Variants in ATG4C observed in about 807,000 individuals in gnomAD.
The protein encoded by ATG4C is cysteine protease ATG4C.
ATG4C carries 56 observed loss-of-function variants against 57.6 expected under a neutral mutation model. The observed-to-expected ratio is 0.97, with a 90% CI of 0.78 to 1.21. ATG4C has a LOEUF of 1.21. ATG4C is among the 50% of genes most tolerant of loss of function. The probability of loss-of-function intolerance (pLI) is 0.00; values close to 1 mark genes in which losing one functional copy is unlikely to be tolerated. For missense variants in ATG4C, 595 were observed against 529.8 expected (o/e 1.12, Z -1.21); for synonymous variants, 157 against 174.1 (o/e 0.90, Z 0.78).
At chr1:62,831,904 A>C (rs1298768295) in intron 7 of ATG4C, among the ~76,000 whole-genome samples, 2 of 152,208 alleles carry the variant, frequency 1.3e-5, no homozygotes, top group African/African-American at 4.8e-5. Context: ...TTTTCTGAGG[A>C]GAGTCAGTGA....
intron 10 of ATG4C, among the ~76,000 whole-genome samples, chr1:62,857,724 C>T (rs929155247): frequency 1.3e-4 from 20 of 151,970 alleles, no homozygotes; most frequent in Non-Finnish European, 4.4e-5. Context: ...GCACATGAGC[C>T]GGTTTTATTT....
At chr1:62,836,269 A>G (rs1665996409) in intron 9 of ATG4C, among the ~76,000 whole-genome samples, 1 of 152,080 alleles carries the variant, frequency 6.6e-6, no homozygotes, top group South Asian at 2.1e-4. Context: ...GAAAGGAATA[A>G]TTGATTTTAA....
chr1:62,801,554 C>T (rs1233009573), intron 1 of ATG4C, among the ~76,000 whole-genome samples: 1 of 151,974 alleles, frequency 6.6e-6, no homozygotes. Context: ...GGGTGGATCA[C>T]GAGGTCAGGA....
intron 10 of ATG4C, among the ~76,000 whole-genome samples, chr1:62,855,095 G>A (rs1666643449): frequency 6.6e-6 from 1 of 152,050 alleles, no homozygotes; most frequent in African/African-American, 2.4e-5. Context: ...TTGCAAGGAG[G>A]GACCTGGGAA....
intron 1 of ATG4C, among the ~76,000 whole-genome samples, chr1:62,784,884 C>T (rs1407781381): frequency 1.3e-5 from 2 of 152,202 alleles, no homozygotes; most frequent in Non-Finnish European, 2.9e-5. Context: ...AGAATAAATT[C>T]TTACATATGA....
intron 1 of ATG4C, among the ~76,000 whole-genome samples, chr1:62,800,324 G>A (rs528315864): frequency 2.6e-5 from 4 of 152,144 alleles, no homozygotes; most frequent in Non-Finnish European, 4.4e-5. Context: ...AAATGTTTTT[G>A]TATAAGATTT....
chr1:62,788,487 A>T (rs1664161634), intron 1 of ATG4C, among the ~76,000 whole-genome samples: 1 of 152,010 alleles, frequency 6.6e-6, no homozygotes, highest in Non-Finnish European at 1.5e-5. Flanking sequence ...ACTATTTGAA[A>T]GTAAGGTGGC....
chr1:62,804,791 A>G (rs1419257267), intron 2 of ATG4C, among the ~76,000 whole-genome samples: 1 of 152,222 alleles, frequency 6.6e-6, no homozygotes, highest in Non-Finnish European at 1.5e-5. Flanking sequence ...AATTCAGTAA[A>G]ACCCCTTGAT....
chr1:62,801,106 T>G (rs1015233623), intron 1 of ATG4C, among the ~76,000 whole-genome samples: 1 of 152,216 alleles, frequency 6.6e-6, no homozygotes, highest in Non-Finnish European at 1.5e-5. Flanking sequence ...TTTCAGCATA[T>G]GCTGCATGTG....
rs939493522 is a variant in ATG4C, at chr1:62,852,711, C to G, written c.1209+11164C>G. Among the ~76,000 whole-genome samples the G allele has an allele frequency of 8.6e-5, 13 of 151,018 alleles. No homozygotes were observed. In the Admixed American group the frequency reaches 8.6e-4, roughly 10 times the overall value. On this transcript the variant is annotated intron_variant, in intron 10 of 10. Transcript: ENST00000317868. The stretch of plus-strand genomic sequence containing the variant: ...TTTGTATTTCTTAGAGTTAGTACTC[C>G]TTTCCCCTTTTTTCATTTCCTTAGT...
At chr1:62,789,243 C>A (rs1664186960) in intron 1 of ATG4C, among the ~76,000 whole-genome samples, 1 of 151,988 alleles carries the variant, frequency 6.6e-6, no homozygotes, top group South Asian at 2.1e-4. Context: ...CACTATGTAC[C>A]CAAGTATCCT....
intron 10 of ATG4C, among the ~76,000 whole-genome samples, chr1:62,863,135 A>G (rs2100372586): frequency 6.6e-6 from 1 of 152,138 alleles, no homozygotes; most frequent in Admixed American, 6.5e-5. Context: ...TGTTTATATT[A>G]TACTTGTGAA....
At chr1:62,811,848 A>G (rs1557968228) in intron 3 of ATG4C, among the ~76,000 whole-genome samples, 1 of 152,320 alleles carries the variant, frequency 6.6e-6, no homozygotes, top group East Asian at 1.9e-4. Flanking sequence ...AAGTGAAACC[A>G]TGTACAGTGG....
At position 62,847,454 on chromosome 1, in the gene ATG4C, G is replaced by C. The variant is rs139474327; in HGVS notation, c.1209+5907G>C. On this transcript the variant is annotated intron_variant, in intron 10 of 10. Coordinates refer to ENST00000317868, the MANE Select transcript of ATG4C (RefSeq NM_032852.4). ...AGTTTCATCGAGAAGAAAATACAGT[G>C]TCATGAGAAAGAAAAATAGAAGAGA... 1.6e-3 allele frequency among the ~76,000 whole-genome samples: 251 copies of C among 152,250 alleles called. 1 individual carries two copies. Among genetic ancestry groups the C allele is most frequent in the South Asian group, 6.2e-3 (30 of 4,818 alleles).
intron 9 of ATG4C, among the ~76,000 whole-genome samples, chr1:62,835,188 A>G (rs1015794155): frequency 2.6e-5 from 4 of 151,428 alleles, no homozygotes; most frequent in South Asian, 2.1e-4. Context: ...CCTGTTTAAA[A>G]AAAAAAAAAA....
At position 62,816,572 on chromosome 1, in the gene ATG4C, T is replaced by C. The variant is rs781364571; in HGVS notation, c.161-3T>C. The C allele has an allele frequency of 1.8e-5, 28 of 1,592,984 alleles. No homozygotes were observed. Among genetic ancestry groups the C allele is most frequent in the Non-Finnish European group, 8.6e-7 (1 of 1,168,632 alleles). The stretch of plus-strand genomic sequence containing the variant: ...ATCTTTAGACCGTATGTTTATTTTT[T>C]AGATGAAGATAAAACGTTACCTGCA... On this transcript the variant is annotated splice_region_variant and splice_polypyrimidine_tract_variant and intron_variant, in intron 3 of 10. Coordinates refer to ENST00000317868, the MANE Select transcript of ATG4C (RefSeq NM_032852.4).
Position 62,864,255 on chromosome 1 carries a change from C to T in ATG4C, c.*96C>T. 2.0e-6 allele frequency: 2 copies of T among 993,622 alleles called. No individual in the cohort carries two copies. The highest frequency in any genetic ancestry group is 2.9e-6 in the Non-Finnish European group (2 of 691,362). The allele number at this position is 993,622 out of a possible 1,614,324, so 61.6% of individuals were successfully genotyped here. On this transcript the variant is annotated 3_prime_UTR_variant, in exon 11 of 11. Transcript: ENST00000317868. The stretch of plus-strand genomic sequence containing the variant: ...CTGAAATGTTTATTTTCACAAATAT[C>T]TTAATTTTATATGTTCTTTAAAAAA...
At chr1:62,791,781 C>T (rs1006527833) in intron 1 of ATG4C, among the ~76,000 whole-genome samples, 4 of 152,148 alleles carry the variant, frequency 2.6e-5, no homozygotes, top group African/African-American at 9.7e-5. Context: ...TTATTACATA[C>T]CTCAAAATCA....
At chr1:62,786,973 T>C (rs1480916759) in intron 1 of ATG4C, among the ~76,000 whole-genome samples, 1 of 151,744 alleles carries the variant, frequency 6.6e-6, no homozygotes, top group African/African-American at 2.4e-5. Context: ...GTTCAGGAGG[T>C]GGAACTAGGC....
Sources: allele counts gnomAD v4.1 joint callset (sites outside exome capture counted in the v4.1 genomes callset), GRCh38; gene constraint gnomAD v4.1.1; transcripts MANE v1.5; gene names NCBI Gene and HGNC (gene_info 2026-07-23, HGNC 2026-07-21).